The following UTRN variants were observed in gnomAD, a reference collection of about 807,000 sequenced individuals.
UTRN encodes dystrophin-related protein 1.
A neutral mutation model predicts 463.9 loss-of-function variants in UTRN; 283 were observed. The observed-to-expected ratio is 0.61, with a 90% confidence interval of 0.55 to 0.67. The LOEUF (loss-of-function observed/expected upper bound fraction) is 0.67, where lower values mean the gene tolerates loss of function less well. Ranked by LOEUF, UTRN falls within the 30% of genes least tolerant of loss-of-function variation. The pLI is 0.00. For missense variants in UTRN, 3,922 were observed against 4,084.3 expected (o/e 0.96, Z 1.08); for synonymous variants, 1,442 against 1,431.5 (o/e 1.01, Z -0.17).
intron 2 of UTRN, among the ~76,000 whole-genome samples, chr6:144,352,111 T>C (rs762136802): frequency 6.6e-6 from 1 of 152,124 alleles, no homozygotes; most frequent in Non-Finnish European, 1.5e-5. Context: ...TAGACTGTGT[T>C]TGACAGAAGA....
In UTRN at chr6:144,491,011, G is replaced by A. The variant is rs762010224; in HGVS notation, c.4346G>A (p.Arg1449His). The change falls in exon 32 of 75, where the codon CGT becomes CAT. Residue 1449 changes from arginine (R) to histidine (H), a missense_variant. Coordinates refer to ENST00000367545, the MANE Select transcript of UTRN (RefSeq NM_007124.3). ...NFEQRMLDCK[R>H]VLDGVKAELH... is the part of the protein sequence containing the mutation. ...GAGCAGCGCATGCTGGACTGCAAGC[G>A]TGTGCTGGATGGCGTGAAAGCAGAA... 15 of 1,613,968 alleles carry A rather than the reference G, an allele frequency of 9.3e-6. No individual in the cohort carries two copies. The highest frequency in any genetic ancestry group is 2.2e-5 in the East Asian group (1 of 44,898).
intron 30 of UTRN, among the ~76,000 whole-genome samples, chr6:144,489,515 A>C (rs1482679031): frequency 6.6e-6 from 1 of 152,184 alleles, no homozygotes; most frequent in Non-Finnish European, 1.5e-5. Context: ...CCTTCCTTAT[A>C]AATAAGTTGT....
chr6:144,764,870 C>A (rs1415793423), intron 58 of UTRN, among the ~76,000 whole-genome samples: 1 of 152,012 alleles, frequency 6.6e-6, no homozygotes, highest in Admixed American at 6.6e-5. Flanking sequence ...CTTTTAAAAG[C>A]AAACTTAAAG....
rs1278404196 is a variant in UTRN at position 144,423,638 on chromosome 6, A to C, written c.312+12A>C. 6.2e-7 allele frequency: 1 copy of C among 1,614,096 alleles called. No individual in the cohort carries two copies. ...TACATCAGAACAATGTAAGTGTGTA[A>C]TGTGAGTTCTGGGGGTCTGTGCTGC... is the stretch of plus-strand genomic sequence containing the variant. On this transcript the variant is annotated intron_variant, in intron 5 of 74. Coordinates refer to ENST00000367545, the MANE Select transcript of UTRN (RefSeq NM_007124.3).
At chr6:144,493,236 A>ATGAT in intron 32 of UTRN, 65 bp from the exon 33 acceptor site, 1 of 1,525,264 alleles carries the variant, frequency 6.6e-7, no homozygotes, top group Non-Finnish European at 9.0e-7. Context: ...GTGGTCTGAC[A>ATGAT]TGATGCCAGT....
chr6:144,717,542 G>T (rs565179889), intron 53 of UTRN, among the ~76,000 whole-genome samples: 17 of 151,600 alleles, frequency 1.1e-4, no homozygotes, highest in Admixed American at 1.1e-3. Flanking sequence ...TATGAGTCTT[G>T]CAACACAGTT....
At chr6:144,735,227 G>A (rs1789240550) in intron 54 of UTRN, among the ~76,000 whole-genome samples, 1 of 152,196 alleles carries the variant, frequency 6.6e-6, no homozygotes, top group African/African-American at 2.4e-5. Flanking sequence ...GGCATTCCAG[G>A]AGAGAAGGAC....
intron 51 of UTRN, among the ~76,000 whole-genome samples, chr6:144,623,522 G>A (rs1168633733): frequency 6.6e-6 from 1 of 152,136 alleles, no homozygotes; most frequent in African/African-American, 2.4e-5. Context: ...GAACACTGGG[G>A]AAGATTGAAG....
rs556256764 is a variant in UTRN, at chr6:144,781,437, G to A, written c.8633-485G>A. ...GGAGCATCTTCAGTAAATTTTGTAT[G>A]TAATGATGTACATGATAAAAGACTG... On this transcript the variant is annotated intron_variant, in intron 60 of 74. Transcript: ENST00000367545. 1.5e-4 allele frequency among the ~76,000 whole-genome samples: 23 copies of A among 152,244 alleles called. No homozygotes were observed. The South Asian group carries it at 3.9e-3, about 26-fold the overall frequency.
intron 25 of UTRN, 85 bp from the exon 26 acceptor site, chr6:144,479,727 C>G: frequency 6.8e-7 from 1 of 1,469,674 alleles, no homozygotes; most frequent in Non-Finnish European, 9.1e-7. Flanking sequence ...AAAGTTATTA[C>G]TGTGCCTTTA....
At chr6:144,754,124 A>C (rs866725089) in intron 56 of UTRN, among the ~76,000 whole-genome samples, 1 of 151,670 alleles carries the variant, frequency 6.6e-6, no homozygotes. Context: ...CCCCATATAT[A>C]TATATAATCT....
intron 41 of UTRN, among the ~76,000 whole-genome samples, chr6:144,528,328 C>G (rs774493391): frequency 6.6e-6 from 1 of 152,014 alleles, no homozygotes; most frequent in Non-Finnish European, 1.5e-5. Flanking sequence ...GAGCCACTGC[C>G]CCCAGCCTAG....
At chr6:144,709,081 A>C (rs1785387441) in intron 53 of UTRN, among the ~76,000 whole-genome samples, 1 of 152,186 alleles carries the variant, frequency 6.6e-6, no homozygotes, top group Non-Finnish European at 1.5e-5. Context: ...TGCTCCTCTT[A>C]ATATCAGCAC....
At chr6:144,817,408 A>G (rs1779184951) in intron 65 of UTRN, among the ~76,000 whole-genome samples, 1 of 152,140 alleles carries the variant, frequency 6.6e-6, no homozygotes, top group African/African-American at 2.4e-5. Flanking sequence ...TCATAATATC[A>G]AAAGTTATTT....
In UTRN at chr6:144,803,261, ATT is replaced by A. The variant is rs71673559; in HGVS notation, c.9357+123_9357+124del. 3.1e-5 allele frequency: 19 copies of A among 619,690 alleles called. No individual in the cohort carries two copies. In the African/African-American group the frequency reaches 3.3e-4, roughly 11 times the overall value. The allele number at this position is 619,690 out of a possible 1,614,324, so 38.4% of individuals were successfully genotyped here. Reference sequence around the variant, plus strand: ...TTTTTGAAAAAATATCACTTTGAAGATTTTTTTTTTCTTTTAAGTAAACTCAT... The same window carrying A: ...TTTTTGAAAAAATATCACTTTGAAGATTTTTTTTCTTTTAAGTAAACTCAT... On this transcript the variant is annotated intron_variant, in intron 65 of 74. Transcript: ENST00000367545.
Position 144,540,042 on chromosome 6 carries a change from C to CAA in UTRN, c.6519+612_6519+613dup, listed in dbSNP as rs34524619. The stretch of plus-strand genomic sequence containing the variant: ...TGGGTGAGACAGGGAGACCCTGTCT[C>CAA]AAAAAAAAAAAAAAGAAATAAATAA... On this transcript the variant is annotated intron_variant, in intron 45 of 74. Coordinates refer to ENST00000367545, the MANE Select transcript of UTRN (RefSeq NM_007124.3). Among the ~76,000 whole-genome samples, 142 of 121,188 alleles carry CAA rather than the reference C, an allele frequency of 1.2e-3. 2 individuals carry two copies. The highest frequency in any genetic ancestry group is 2.3e-3 in the African/African-American group (78 of 34,092). The allele number at this position is 121,188 out of a possible 152,430, so 79.5% of individuals were successfully genotyped here.
intron 39 of UTRN, among the ~76,000 whole-genome samples, chr6:144,521,699 T>G (rs761108352): frequency 1.6e-4 from 25 of 152,140 alleles, no homozygotes; most frequent in Non-Finnish European, 3.1e-4. Context: ...TGTTGTTTTT[T>G]GTTTGCTAAC....
intron 51 of UTRN, among the ~76,000 whole-genome samples, chr6:144,657,017 G>A (rs1233544563): frequency 6.6e-6 from 1 of 152,154 alleles, no homozygotes; most frequent in Non-Finnish European, 1.5e-5. Context: ...TTGGAAGGCC[G>A]AGGCAGGTGG....
intron 2 of UTRN, among the ~76,000 whole-genome samples, chr6:144,306,549 G>T (rs1335810117): frequency 3.3e-5 from 5 of 152,052 alleles, no homozygotes; most frequent in Admixed American, 1.3e-4. Context: ...TTCTTTCTAG[G>T]TTTTGTGGAG....
Sources: gnomAD v4.1 joint callset for allele counts (sites outside exome capture counted in the v4.1 genomes callset) on GRCh38, gnomAD v4.1.1 for gene constraint, MANE v1.5 for transcripts, NCBI Gene and HGNC (gene_info 2026-07-23, HGNC 2026-07-21) for gene names.